DPY19L1: variants seen among roughly 807,000 people sequenced by gnomAD.
The protein encoded by DPY19L1 is protein C-mannosyl-transferase DPY19L1.
A neutral mutation model predicts 96.9 loss-of-function variants in DPY19L1; 35 were observed. The observed-to-expected ratio is 0.36, with a 90% CI of 0.28 to 0.48. DPY19L1 has a LOEUF of 0.48. Ranked by LOEUF, DPY19L1 falls within the 20% of genes least tolerant of loss-of-function variation. The pLI is 0.99. For missense variants in DPY19L1, 521 were observed against 777.9 expected, an observed-to-expected ratio of 0.67 and a Z score of 3.93; for synonymous variants, 205 against 252.6, an observed-to-expected ratio of 0.81 and a Z score of 1.79.
At chr7:35,008,133 T>C (rs1422445994) in intron 6 of DPY19L1, among the ~76,000 whole-genome samples, 2 of 152,100 alleles carry the variant, frequency 1.3e-5, no homozygotes, top group African/African-American at 4.8e-5. Context: ...CCTCTGATTC[T>C]ACAAGGTCAC....
At chr7:34,971,064 T>C (rs954343033) in intron 8 of DPY19L1, among the ~76,000 whole-genome samples, 5 of 152,142 alleles carry the variant, frequency 3.3e-5, no homozygotes, top group African/African-American at 1.2e-4. Flanking sequence ...GCAGCCTGCA[T>C]CAACACTGCT....
At chr7:34,984,565 C>G (rs1785008801) in intron 7 of DPY19L1, among the ~76,000 whole-genome samples, 1 of 152,178 alleles carries the variant, frequency 6.6e-6, no homozygotes. Context: ...TTTACATCAG[C>G]AGATATGCTG....
At chr7:34,974,214 T>C (rs1584230353) in intron 7 of DPY19L1, among the ~76,000 whole-genome samples, 1 of 152,214 alleles carries the variant, frequency 6.6e-6, no homozygotes, top group African/African-American at 2.4e-5. Context: ...TTAAGCAATG[T>C]ACTATCACAG....
intron 1 of DPY19L1, among the ~76,000 whole-genome samples, chr7:35,032,745 C>A (rs1219284103): frequency 6.6e-6 from 1 of 152,140 alleles, no homozygotes; most frequent in Non-Finnish European, 1.5e-5. Flanking sequence ...TCTTCACTAT[C>A]TTGGTGAATG....
intron 6 of DPY19L1, among the ~76,000 whole-genome samples, chr7:35,003,242 CAAGA>C (rs1785470946): frequency 6.6e-6 from 1 of 152,036 alleles, no homozygotes; most frequent in Non-Finnish European, 1.5e-5. Flanking sequence ...GAAAATAAAC[CAAGA>C]AAGAGGAACA....
intron 16 of DPY19L1, among the ~76,000 whole-genome samples, chr7:34,943,337 T>C (rs1170272147): frequency 2.6e-5 from 4 of 152,226 alleles, no homozygotes; most frequent in Admixed American, 2.6e-4. Flanking sequence ...GTTGAGTACT[T>C]ACAATGTTAA....
At chr7:34,939,019 G>A (rs576360931) in intron 20 of DPY19L1, 1 of 316,600 alleles carries the variant, frequency 3.2e-6, no homozygotes. Context: ...TAACCTGTGG[G>A]AAAGTGCTAT....
chr7:35,004,301 C>T (rs1785500777), intron 6 of DPY19L1, among the ~76,000 whole-genome samples: 1 of 152,184 alleles, frequency 6.6e-6, no homozygotes, highest in Non-Finnish European at 1.5e-5. Context: ...CTTCTGGGAA[C>T]TTTCATCTAA....
chr7:34,957,572 C>T (rs1784405198), intron 11 of DPY19L1, among the ~76,000 whole-genome samples: 1 of 151,932 alleles, frequency 6.6e-6, no homozygotes, highest in African/African-American at 2.4e-5. Flanking sequence ...ATAGTCCATA[C>T]AAGTAGACAA....
chr7:35,013,069 C>T (rs1785753414), intron 4 of DPY19L1, among the ~76,000 whole-genome samples: 1 of 152,140 alleles, frequency 6.6e-6, no homozygotes, highest in Non-Finnish European at 1.5e-5. Context: ...AGTTCAATAT[C>T]TATCTGGAAA....
At chr7:34,997,699 C>G (rs1785325284) in intron 6 of DPY19L1, among the ~76,000 whole-genome samples, 1 of 150,746 alleles carries the variant, frequency 6.6e-6, no homozygotes, top group Admixed American at 6.6e-5. Context: ...GGCCAAAAAT[C>G]CAGCCTGTAT....
At chr7:34,932,281 T>C (rs568267481) in intron 21 of DPY19L1, among the ~76,000 whole-genome samples, 28 of 152,300 alleles carry the variant, frequency 1.8e-4, no homozygotes, top group Non-Finnish European at 3.5e-4. Context: ...CCATCATAAG[T>C]TGAAAATGCA....
chr7:35,030,261 G>A (rs1786228802), intron 1 of DPY19L1, among the ~76,000 whole-genome samples: 1 of 152,230 alleles, frequency 6.6e-6, no homozygotes, highest in African/African-American at 2.4e-5. Context: ...AAAGGGCAGA[G>A]TAGTAGCACT....
chr7:34,943,955 T>G (rs1018599310), intron 16 of DPY19L1, among the ~76,000 whole-genome samples: 1 of 152,192 alleles, frequency 6.6e-6, no homozygotes, highest in African/African-American at 2.4e-5. Context: ...TTACAGTAAA[T>G]TGTTTCTAAA....
intron 11 of DPY19L1, among the ~76,000 whole-genome samples, chr7:34,955,660 T>C (rs1195457438): frequency 1.3e-5 from 2 of 152,194 alleles, no homozygotes; most frequent in Non-Finnish European, 2.9e-5. Flanking sequence ...AGCCATGAGG[T>C]ATATAACATT....
In DPY19L1 at chr7:34,937,397, G is replaced by A. The variant is rs577491433; in HGVS notation, c.2090+597C>T. 1.1e-4 allele frequency among the ~76,000 whole-genome samples: 17 copies of A among 152,246 alleles called. No homozygotes were observed. The East Asian group carries it at 3.3e-3, about 29-fold the overall frequency. On this transcript the variant is annotated intron_variant, in intron 21 of 21. Coordinates refer to ENST00000638088, the MANE Select transcript of DPY19L1 (RefSeq NM_001366673.1). ...TGTGACCCCTGGTGCTCAGCTGCCTGACTTCACCAAAAGAGACTCCCCATT... is the reference window on the plus strand; with the variant it reads ...TGTGACCCCTGGTGCTCAGCTGCCTAACTTCACCAAAAGAGACTCCCCATT...
At chr7:34,952,125 A>ACC (rs538026987) in intron 13 of DPY19L1, among the ~76,000 whole-genome samples, 825 of 80,722 alleles carry the variant, frequency 0.01, 8 homozygotes, top group African/African-American at 0.027. Flanking sequence ...AAAAAAAAAG[A>ACC]CCACAAAAAA....
At chr7:35,004,029 C>G (rs1785493339) in intron 6 of DPY19L1, among the ~76,000 whole-genome samples, 1 of 152,250 alleles carries the variant, frequency 6.6e-6, no homozygotes, top group African/African-American at 2.4e-5. Context: ...TAGCCCTTCT[C>G]CTTTGCCCCA....
chr7:35,024,241 C>T (rs1463673428), intron 1 of DPY19L1, among the ~76,000 whole-genome samples: 1 of 152,150 alleles, frequency 6.6e-6, no homozygotes, highest in Non-Finnish European at 1.5e-5. Flanking sequence ...GTACCTAAAG[C>T]ACGCTAAAGA....
Sources: gnomAD v4.1 joint callset for allele counts (sites outside exome capture counted in the v4.1 genomes callset) on GRCh38, gnomAD v4.1.1 for gene constraint, MANE v1.5 for transcripts, NCBI Gene and HGNC (gene_info 2026-07-23, HGNC 2026-07-21) for gene names.